The following ADAMTS3 variants were observed in gnomAD, a reference collection of about 807,000 sequenced individuals.
The protein encoded by ADAMTS3 is A disintegrin and metalloproteinase with thrombospondin motifs 3.
A neutral mutation model predicts 129.0 loss-of-function variants in ADAMTS3; 73 were observed. That is an observed-to-expected ratio of 0.57 (90% confidence interval 0.47 to 0.69). ADAMTS3 has a LOEUF of 0.69. Ranked by LOEUF, ADAMTS3 falls within the 30% of genes least tolerant of loss-of-function variation. The pLI, the probability that ADAMTS3 is intolerant of heterozygous loss-of-function variation, is 0.00. For synonymous variants in ADAMTS3, 477 were observed against 510.8 expected, an observed-to-expected ratio of 0.93 and a Z score of 0.89; for missense variants, 1,457 against 1,514.5, an observed-to-expected ratio of 0.96 and a Z score of 0.63.
intron 4 of ADAMTS3, among the ~76,000 whole-genome samples, chr4:72,392,048 T>A (rs1721608639): frequency 2.0e-5 from 3 of 152,172 alleles, no homozygotes. Context: ...AGCACATGAG[T>A]ATAAAGATGT....
At chr4:72,528,110 T>A (rs1720862016) in intron 3 of ADAMTS3, among the ~76,000 whole-genome samples, 1 of 152,106 alleles carries the variant, frequency 6.6e-6, no homozygotes. Flanking sequence ...GTTGCTGTAG[T>A]AATAACACTG....
At chr4:72,390,059 T>C (rs777594134) in intron 4 of ADAMTS3, among the ~76,000 whole-genome samples, 186 of 152,216 alleles carry the variant, frequency 1.2e-3, no homozygotes, top group Non-Finnish European at 2.0e-3. Flanking sequence ...TGAATACAAA[T>C]GAGAGAAAAT....
chr4:72,365,555 A>G (rs1720849891), intron 4 of ADAMTS3, among the ~76,000 whole-genome samples: 1 of 152,214 alleles, frequency 6.6e-6, no homozygotes, highest in Non-Finnish European at 1.5e-5. Flanking sequence ...TGTGCACTGC[A>G]CAAGGGCATC....
intron 3 of ADAMTS3, among the ~76,000 whole-genome samples, chr4:72,495,040 T>A (rs909923627): frequency 6.6e-6 from 1 of 152,144 alleles, no homozygotes; most frequent in African/African-American, 2.4e-5. Flanking sequence ...AGGTCTGACA[T>A]GTGGGCGCAC....
chr4:72,303,925 T>C lies in ADAMTS3; in HGVS notation c.2416A>G (p.Ile806Val), dbSNP rs766093731. Reference sequence around the variant, plus strand: ...CCCATAATGCCACATACCAAAACAATAACAGGATCATGTAAAGGTCCATCG... The same window carrying C: ...CCCATAATGCCACATACCAAAACAACAACAGGATCATGTAAAGGTCCATCG... ...HTDGPLHDPV[I>V]VLIIPQENDT... Residue 806 changes from isoleucine to valine, a missense_variant, in exon 17 of 22, where the codon ATT becomes GTT. Transcript: ENST00000286657. 2 of 1,613,420 alleles carry C rather than the reference T, an allele frequency of 1.2e-6. No individual in the cohort carries two copies. The highest frequency in any genetic ancestry group is 1.7e-4 in the Middle Eastern group (1 of 6,052).
At chr4:72,564,185 T>G (rs1307397885) in intron 2 of ADAMTS3, among the ~76,000 whole-genome samples, 2 of 152,110 alleles carry the variant, frequency 1.3e-5, no homozygotes, top group Admixed American at 1.3e-4. Flanking sequence ...GGAAGACAGC[T>G]TAACACTAAA....
At chr4:72,374,592 T>A (rs1438986113) in intron 4 of ADAMTS3, among the ~76,000 whole-genome samples, 5 of 152,188 alleles carry the variant, frequency 3.3e-5, no homozygotes, top group Non-Finnish European at 7.3e-5. Context: ...ATTTTTATAT[T>A]TTTTTCCTTA....
chr4:72,306,059 T>C lies in ADAMTS3; in HGVS notation c.2188A>G (p.Lys730Glu). 6.2e-7 allele frequency: 1 copy of C among 1,602,290 alleles called. No individual in the cohort carries two copies. ...TRTPRKLGYL[K>E]MFDIPPGARH... ...GCCCCAGGGGGTATATCAAACATCT[T>C]AAGGTACCCTTTGCATGTGTAGTAA... Residue 730 changes from lysine (K) to glutamate (E), a missense_variant, in exon 16 of 22, where the codon AAG becomes GAG. By Grantham distance (56) the Lys-to-Glu change is moderately conservative. Coordinates refer to ENST00000286657, the MANE Select transcript of ADAMTS3 (RefSeq NM_014243.3).
At chr4:72,403,140 T>C (rs1476594398) in intron 4 of ADAMTS3, among the ~76,000 whole-genome samples, 2 of 152,078 alleles carry the variant, frequency 1.3e-5, no homozygotes, top group Non-Finnish European at 1.5e-5. Flanking sequence ...AATTTTTCCT[T>C]TGTTTTTGCC....
intron 3 of ADAMTS3, among the ~76,000 whole-genome samples, chr4:72,523,543 T>C (rs564412456): frequency 2.6e-3 from 394 of 152,164 alleles, no homozygotes; most frequent in African/African-American, 9.1e-3. Context: ...GAAACAATAC[T>C]ATACATTACA....
At chr4:72,556,095 A>G (rs930912662) in intron 2 of ADAMTS3, among the ~76,000 whole-genome samples, 1 of 151,822 alleles carries the variant, frequency 6.6e-6, no homozygotes, top group Non-Finnish European at 1.5e-5. Flanking sequence ...GTGTGAGAAC[A>G]GACTAATACA....
At chr4:72,341,993 C>T (rs1315124415) in intron 4 of ADAMTS3, among the ~76,000 whole-genome samples, 1 of 152,126 alleles carries the variant, frequency 6.6e-6, no homozygotes, top group Admixed American at 6.6e-5. Flanking sequence ...TTACAGACTG[C>T]TCTGAGGCTG....
chr4:72,456,881 A>T (rs548242707), intron 3 of ADAMTS3, among the ~76,000 whole-genome samples: 2 of 151,790 alleles, frequency 1.3e-5, no homozygotes, highest in East Asian at 3.9e-4. Flanking sequence ...AGGGACTACA[A>T]AGGATTAAAA....
At chr4:72,398,027 G>C (rs1169275640) in intron 4 of ADAMTS3, among the ~76,000 whole-genome samples, 1 of 152,138 alleles carries the variant, frequency 6.6e-6, no homozygotes. Context: ...CTACACTGAG[G>C]TTATCAGGAG....
At chr4:72,401,582 A>AG (rs1721921860) in intron 4 of ADAMTS3, among the ~76,000 whole-genome samples, 1 of 142,522 alleles carries the variant, frequency 7.0e-6, no homozygotes, top group South Asian at 2.6e-4. Flanking sequence ...AAAAAAAAAA[A>AG]AAAAAAGAAA....
rs776737359 is a variant in ADAMTS3, at chr4:72,309,507, T to C, written c.2069A>G (p.Asp690Gly). 1.9e-6 allele frequency: 3 copies of C among 1,611,688 alleles called. No individual in the cohort carries two copies. Among genetic ancestry groups the C allele is most frequent in the Non-Finnish European group, 2.5e-6 (3 of 1,178,234 alleles). ...VRGECVKVGC[D>G]KEIGSNKVED... Reference sequence around the variant, plus strand: ...AACCTTATTAGAACCAATTTCTTTATCACAGCCCACTTTCTGGAGAGAGAA... The same window carrying C: ...AACCTTATTAGAACCAATTTCTTTACCACAGCCCACTTTCTGGAGAGAGAA... Residue 690 changes from aspartate (D) to glycine (G), a missense_variant, in exon 15 of 22, where the codon GAT becomes GGT. Physicochemically the swap from Asp to Gly is moderately conservative, Grantham distance 94. Coordinates refer to ENST00000286657, the MANE Select transcript of ADAMTS3 (RefSeq NM_014243.3).
chr4:72,519,744 T>C (rs1720607012), intron 3 of ADAMTS3, among the ~76,000 whole-genome samples: 1 of 152,148 alleles, frequency 6.6e-6, no homozygotes. Context: ...TTCGTCTAAA[T>C]TTTTTTCAAA....
intron 3 of ADAMTS3, among the ~76,000 whole-genome samples, chr4:72,546,770 T>C (rs189146544): frequency 6.7e-4 from 102 of 152,080 alleles, no homozygotes; most frequent in Non-Finnish European, 5.0e-4. Context: ...GATTTTATGG[T>C]ATTAGAGAGT....
chr4:72,568,486 G>A (rs1722079197), intron 1 of ADAMTS3, among the ~76,000 whole-genome samples: 1 of 152,060 alleles, frequency 6.6e-6, no homozygotes, highest in African/African-American at 2.4e-5. Context: ...CTCCCGGAGT[G>A]GGAGTCGTAA....
Sources: allele counts gnomAD v4.1 joint callset (sites outside exome capture counted in the v4.1 genomes callset), GRCh38; gene constraint gnomAD v4.1.1; transcripts MANE v1.5; gene names NCBI Gene and HGNC (gene_info 2026-07-23, HGNC 2026-07-21).